Variants in MROH2B observed in about 807,000 individuals in gnomAD.
MROH2B encodes maestro heat-like repeat-containing protein family member 2B.
A neutral mutation model predicts 208.6 loss-of-function variants in MROH2B; 177 were observed. The observed-to-expected ratio is 0.85, with a 90% CI of 0.75 to 0.96. MROH2B has a LOEUF of 0.96. Among genes scored for constraint, MROH2B ranks in the 40% least tolerant of loss-of-function variants. MROH2B has a pLI of 0.00. For synonymous variants in MROH2B, 728 were observed against 659.0 expected, an observed-to-expected ratio of 1.10 and a Z score of -1.60; for missense variants, 2,002 against 1,878.7, an observed-to-expected ratio of 1.07 and a Z score of -1.21.
At position 41,009,333 on chromosome 5, in the gene MROH2B, C is replaced by T; in HGVS notation, c.3367G>A (p.Asp1123Asn). The change falls in exon 32 of 42, where the codon GAC (aspartate) becomes AAC (asparagine). Residue 1123 changes from aspartate to asparagine, a missense_variant. By Grantham distance (23) the Asp-to-Asn change is conservative. Coordinates refer to ENST00000399564, the MANE Select transcript of MROH2B (RefSeq NM_173489.5). The stretch of plus-strand genomic sequence containing the variant: ...TCTTCTAACTCAGTCTCCAGTTTGT[C>T]TATTAAGGCTTGCAAGAGTTTCCCA... Reference protein sequence around the residue: ...SSGKLLQALIDKLETELEDDI... With the variant: ...SSGKLLQALINKLETELEDDI... 6.2e-7 allele frequency: 1 copy of T among 1,613,932 alleles called. No individual in the cohort carries two copies. Among genetic ancestry groups the T allele is most frequent in the Non-Finnish European group, 8.5e-7 (1 of 1,179,820 alleles).
chr5:41,042,570 T>C (rs1343679799), intron 18 of MROH2B, among the ~76,000 whole-genome samples: 2 of 152,200 alleles, frequency 1.3e-5, no homozygotes, highest in Non-Finnish European at 2.9e-5. Flanking sequence ...CAACAAATGC[T>C]CAATGAACAT....
At chr5:41,040,062 C>G (rs559440351) in intron 19 of MROH2B, among the ~76,000 whole-genome samples, 1 of 152,260 alleles carries the variant, frequency 6.6e-6, no homozygotes, top group East Asian at 1.9e-4. Flanking sequence ...ATGAGTCAGA[C>G]AGGAGGTGGC....
chr5:41,041,631 A>G (rs1330118907), intron 19 of MROH2B, among the ~76,000 whole-genome samples: 6 of 152,160 alleles, frequency 3.9e-5, no homozygotes, highest in Non-Finnish European at 5.9e-5. Flanking sequence ...CTCAACAACA[A>G]CAACAACAAC....
At position 41,049,447 on chromosome 5, in the gene MROH2B, CAG is replaced by C; in HGVS notation, c.1345-13_1345-12del. On this transcript the variant is annotated splice_polypyrimidine_tract_variant and intron_variant, in intron 13 of 41. Transcript: ENST00000399564. ...CCTTGGCCATAGCACCTGTGGAAAA[CAG>C]GGCATGATGCAAGGATTGCTTATTC... The C allele has an allele frequency of 6.2e-7, 1 of 1,607,618 alleles. No individual in the cohort carries two copies. The highest frequency in any genetic ancestry group is 1.7e-4 in the Middle Eastern group (1 of 5,926).
intron 5 of MROH2B, among the ~76,000 whole-genome samples, chr5:41,062,642 G>C (rs142690364): frequency 1.0e-3 from 157 of 152,254 alleles, no homozygotes; most frequent in South Asian, 3.1e-3. Flanking sequence ...TATTTTGCTA[G>C]ATGATAAAGA....
chr5:41,041,106 G>A (rs1371303813), intron 19 of MROH2B, among the ~76,000 whole-genome samples: 1 of 152,116 alleles, frequency 6.6e-6, no homozygotes, highest in Admixed American at 6.5e-5. Context: ...GGTGCCAACA[G>A]CAATAAATGA....
In MROH2B at chr5:41,016,052, T is replaced by TGGAA. The variant is rs1485273975; in HGVS notation, c.2885-575_2885-574insTTCC. Among the ~76,000 whole-genome samples, 348 of 152,304 alleles carry TGGAA rather than the reference T, an allele frequency of 2.3e-3. 2 individuals carry two copies. The highest frequency in any genetic ancestry group is 8.0e-3 in the African/African-American group (332 of 41,556). ...ATCATGGAAACTAACACATGAACCATTCTATGGAAGGCAGCCTAGCCCAGT... is the reference window on the plus strand; with the variant it reads ...ATCATGGAAACTAACACATGAACCATGGAATCTATGGAAGGCAGCCTAGCCCAGT... On this transcript the variant is annotated intron_variant, in intron 28 of 41. Coordinates refer to ENST00000399564, the MANE Select transcript of MROH2B (RefSeq NM_173489.5).
intron 11 of MROH2B, among the ~76,000 whole-genome samples, chr5:41,053,205 A>AT (rs1743339897): frequency 6.6e-6 from 1 of 152,162 alleles, no homozygotes. Context: ...TGAAAACTGG[A>AT]TTTTTGTTTC....
intron 33 of MROH2B, 36 bp downstream of exon 33, chr5:41,008,570 A>T: frequency 6.2e-7 from 1 of 1,606,904 alleles, no homozygotes. Flanking sequence ...TGGGATTAGG[A>T]CCACTGTGGA....
Position 41,058,151 on chromosome 5 carries a change from C to A in MROH2B, c.668G>T (p.Arg223Leu). 2 of 1,606,404 alleles carry A rather than the reference C, an allele frequency of 1.2e-6. No individual in the cohort carries two copies. Among genetic ancestry groups the A allele is most frequent in the Non-Finnish European group, 8.5e-7 (1 of 1,176,238 alleles). Residue 223 changes from arginine (R) to leucine (L), a missense_variant, in exon 7 of 42, where the codon CGG becomes CTG. Arg to Leu is a moderately radical substitution (Grantham distance 102). Coordinates refer to ENST00000399564, the MANE Select transcript of MROH2B (RefSeq NM_173489.5). ...HGPTVSLLLH[R>L]EDFRGYALGQ... Reference sequence around the variant, plus strand: ...CAGGGCGTATCCACGGAAGTCTTCCCGATGCAGCAGCAAGCTCACCGTGGG... The same window carrying A: ...CAGGGCGTATCCACGGAAGTCTTCCAGATGCAGCAGCAAGCTCACCGTGGG...
At position 41,042,182 on chromosome 5, in the gene MROH2B, G is replaced by T. The variant is rs325854; in HGVS notation, c.1863C>A (p.Thr621=). ...EKKFLWKALG[T]TLACCQDSDF... ...CTGAATCTTGGCAGCATGCTAAGGTGGTTCCCAAGGCTTTCCAAAGGAATT... is the reference window on the plus strand; with the variant it reads ...CTGAATCTTGGCAGCATGCTAAGGTTGTTCCCAAGGCTTTCCAAAGGAATT... Residue 621 remains threonine, a synonymous_variant, in exon 19 of 42, where the codon ACC becomes ACA. Coordinates refer to ENST00000399564, the MANE Select transcript of MROH2B (RefSeq NM_173489.5). 1,292,932 of 1,581,136 alleles carry T rather than the reference G, an allele frequency of 0.82. 531,951 individuals carry two copies. Among genetic ancestry groups the T allele is most frequent in the Non-Finnish European group, 0.84 (978,321 of 1,161,558 alleles).
chr5:41,024,706 C>G (rs546594255), intron 24 of MROH2B, among the ~76,000 whole-genome samples: 2 of 152,344 alleles, frequency 1.3e-5, no homozygotes, highest in African/African-American at 4.8e-5. Flanking sequence ...CTACAGAACT[C>G]TCCACCCCAA....
Position 41,057,195 on chromosome 5 carries a change from A to G in MROH2B, c.850-17T>C. 1.2e-6 allele frequency: 2 copies of G among 1,613,664 alleles called. No homozygotes were observed. The highest frequency in any genetic ancestry group is 4.5e-5 in the East Asian group (2 of 44,876). ...TCTGCAGATCTGAATGGGGGTGGAA[A>G]TCAGGTGGTAGATGTTAAACACAGA... On this transcript the variant is annotated splice_polypyrimidine_tract_variant and intron_variant, in intron 8 of 41. Coordinates refer to ENST00000399564, the MANE Select transcript of MROH2B (RefSeq NM_173489.5).
At chr5:41,027,702 A>C (rs1023726819) in intron 24 of MROH2B, among the ~76,000 whole-genome samples, 2 of 152,158 alleles carry the variant, frequency 1.3e-5, no homozygotes, top group Admixed American at 6.6e-5. Context: ...ATACCCAAAG[A>C]ATTATAAATC....
At chr5:41,036,620 CAA>C (rs765650347) in intron 21 of MROH2B, among the ~76,000 whole-genome samples, 22 of 152,112 alleles carry the variant, frequency 1.4e-4, no homozygotes, top group South Asian at 6.2e-4. Flanking sequence ...GGCAGAAAAC[CAA>C]ATAAGTGTGA....
intron 30 of MROH2B, among the ~76,000 whole-genome samples, chr5:41,011,118 T>C (rs1466839019): frequency 6.6e-6 from 1 of 152,204 alleles, no homozygotes; most frequent in Non-Finnish European, 1.5e-5. Flanking sequence ...GATGTTAATC[T>C]GTTGGCAGTA....
At chr5:41,032,897 G>A (rs968745944) in intron 23 of MROH2B, 76 bp from the exon 24 acceptor site, 1 of 1,543,234 alleles carries the variant, frequency 6.5e-7, no homozygotes, top group Non-Finnish European at 8.8e-7. Context: ...AACCTCATCA[G>A]ACCATTGGGT....
intron 18 of MROH2B, 141 bp from the exon 19 acceptor site, chr5:41,042,349 C>T (rs1267803380): frequency 1.3e-5 from 7 of 538,158 alleles, no homozygotes; most frequent in Non-Finnish European, 2.0e-5. Flanking sequence ...ATTCTCTCTT[C>T]TTGAGAGTGT....
Position 41,018,224 on chromosome 5 carries a change from A to G in MROH2B, c.2763+117T>C, listed in dbSNP as rs78809352. ...AGATCTCTCTCCAAAAGTGTTCCGA[A>G]AAGCACTTCACTCTGAGATGCACGA... is the stretch of plus-strand genomic sequence containing the variant. On this transcript the variant is annotated intron_variant, in intron 27 of 41. Coordinates refer to ENST00000399564, the MANE Select transcript of MROH2B (RefSeq NM_173489.5). 7.9e-4 allele frequency: 900 copies of G among 1,132,854 alleles called. 19 individuals carry two copies. In the East Asian group the frequency reaches 0.022, roughly 27 times the overall value. 70.2% of individuals were successfully genotyped at this position (1,132,854 alleles called of 1,614,324 possible).
Sources: allele counts gnomAD v4.1 joint callset (sites outside exome capture counted in the v4.1 genomes callset), GRCh38; gene constraint gnomAD v4.1.1; transcripts MANE v1.5; gene names NCBI Gene and HGNC (gene_info 2026-07-23, HGNC 2026-07-21).